KDM3A: variants seen among roughly 807,000 people sequenced by gnomAD.
The protein encoded by KDM3A is lysine demethylase 3A.
KDM3A carries 60 observed loss-of-function variants against 158.0 expected under a neutral mutation model. The ratio of observed to expected loss-of-function variants is 0.38; its 90% CI spans 0.31 to 0.47. The LOEUF (loss-of-function observed/expected upper bound fraction) is 0.47, where lower values mean the gene tolerates loss of function less well. Among genes scored for constraint, KDM3A ranks in the 20% least tolerant of loss-of-function variants. The pLI is 0.99. For missense variants in KDM3A, 1,319 were observed against 1,574.3 expected (o/e 0.84, Z 2.74); for synonymous variants, 608 against 549.3 (o/e 1.11, Z -1.49).
At chr2:86,491,104 T>A in intron 24 of KDM3A, 37 bp from the exon 25 acceptor site, 1 of 1,613,236 alleles carries the variant, frequency 6.2e-7, no homozygotes, top group Non-Finnish European at 8.5e-7. Flanking sequence ...CATGAACTTT[T>A]GGGTTTGTTA....
intron 1 of KDM3A, among the ~76,000 whole-genome samples, chr2:86,441,694 C>T (rs1483677897): frequency 1.3e-5 from 2 of 151,004 alleles, no homozygotes; most frequent in Non-Finnish European, 1.5e-5. Flanking sequence ...CACCAGGGGC[C>T]TTTTCTTTTC....
intron 14 of KDM3A, 144 bp from the exon 15 acceptor site, chr2:86,478,464 T>C: frequency 1.0e-6 from 1 of 988,330 alleles, no homozygotes; most frequent in East Asian, 2.5e-5. Context: ...AGAAAATGCA[T>C]TTTGGGGAAG....
At chr2:86,476,692 C>G (rs1229265119) in intron 12 of KDM3A, among the ~76,000 whole-genome samples, 2 of 152,178 alleles carry the variant, frequency 1.3e-5, no homozygotes, top group African/African-American at 4.8e-5. Context: ...ATCCAGGTGT[C>G]CAAGATGAAG....
rs1049775241 is a variant in KDM3A, at chr2:86,442,983, C to T, written c.186+750C>T. 3.3e-5 allele frequency among the ~76,000 whole-genome samples: 5 copies of T among 152,090 alleles called. No homozygotes were observed. In the East Asian group the frequency reaches 7.7e-4, roughly 23 times the overall value. ...TCATTATGACACTCAGAACCTTTTT[C>T]TGTTAGATCTTTTCAAAGACAGATG... On this transcript the variant is annotated intron_variant, in intron 2 of 25. Coordinates refer to ENST00000312912, the MANE Select transcript of KDM3A (RefSeq NM_018433.6).
chr2:86,484,383 A>T (rs1204002468), intron 19 of KDM3A, among the ~76,000 whole-genome samples: 2 of 152,236 alleles, frequency 1.3e-5, no homozygotes, highest in Non-Finnish European at 2.9e-5. Flanking sequence ...AGAACATCAG[A>T]TAGGGTCAGT....
chr2:86,453,379 A>G (rs1327638780), intron 4 of KDM3A, among the ~76,000 whole-genome samples: 1 of 152,168 alleles, frequency 6.6e-6, no homozygotes, highest in African/African-American at 2.4e-5. Context: ...CCCCAGTAGG[A>G]TACTTGCTCT....
Position 86,484,927 on chromosome 2 carries a change from C to T in KDM3A, c.3095-15C>T, listed in dbSNP as rs201254576. The T allele has an allele frequency of 1.4e-4, 219 of 1,517,410 alleles. No homozygotes were observed. Among genetic ancestry groups the T allele is most frequent in the Non-Finnish European group, 1.9e-4 (205 of 1,093,422 alleles). 94.0% of individuals were successfully genotyped at this position (1,517,410 alleles called of 1,614,324 possible). The stretch of plus-strand genomic sequence containing the variant: ...GAATTATAAATAGTAATAGTTCATT[C>T]TGTTTACCTTTCAGATCGTTTGAAA... On this transcript the variant is annotated splice_polypyrimidine_tract_variant and intron_variant, in intron 19 of 25. Transcript: ENST00000312912.
rs760450330 is a variant in KDM3A, at chr2:86,484,153, T to C, written c.3089T>C (p.Val1030Ala). The C allele has an allele frequency of 6.2e-7, 1 of 1,611,688 alleles. No individual in the cohort carries two copies. The highest frequency in any genetic ancestry group is 8.5e-7 in the Non-Finnish European group (1 of 1,178,922). Residue 1030 changes from valine (V) to alanine (A), a missense_variant, in exon 19 of 26, where the codon GTT (valine) becomes GCT (alanine). Around this residue, in one of 4 missense-constraint regions of KDM3A, gnomAD observed 368 missense variants for 415.8 expected, o/e 0.89. Coordinates refer to ENST00000312912, the MANE Select transcript of KDM3A (RefSeq NM_018433.6). ...GACTTCTGGGATGGATTTGAAGATG[T>C]TCCAAGTATGTATGAAAGATCTTTT... The part of the protein sequence containing the change: ...VGDFWDGFED[V>A]PNRLKNEKEP...
intron 16 of KDM3A, among the ~76,000 whole-genome samples, chr2:86,481,649 C>T (rs917506786): frequency 2.6e-5 from 4 of 152,126 alleles, no homozygotes; most frequent in African/African-American, 9.7e-5. Flanking sequence ...GTAGACAGTA[C>T]ATGCAAAAAA....
chr2:86,458,146 C>G (rs1260970617), intron 8 of KDM3A, among the ~76,000 whole-genome samples: 1 of 152,124 alleles, frequency 6.6e-6, no homozygotes, highest in Non-Finnish European at 1.5e-5. Context: ...ATGAATAAAT[C>G]TGGGTTTCTT....
Position 86,464,073 on chromosome 2 carries a change from T to C in KDM3A, c.864T>C (p.Pro288=). The C allele has an allele frequency of 6.2e-7, 1 of 1,604,356 alleles. No individual in the cohort carries two copies. Among genetic ancestry groups the C allele is most frequent in the Non-Finnish European group, 8.5e-7 (1 of 1,174,114 alleles). ...TCTAGGCCTCTCCCAGTATGTGTCC[T>C]GTGCAGTCTGTACCTACAACAGTTT... ...SCSEASPSMC[P]VQSVPTTVFK... The change falls in exon 9 of 26, where the codon CCT becomes CCC. Residue 288 remains proline, a synonymous_variant. Coordinates refer to ENST00000312912, the MANE Select transcript of KDM3A (RefSeq NM_018433.6).
In KDM3A at chr2:86,470,377, C is replaced by G; in HGVS notation, c.1693C>G (p.Pro565Ala). ...RKDKEQQKDS[P>A]VFCRFFHFRR... ...GGATAAGGAGCAACAGAAGGACTCA[C>G]CTGTGTTTTGCCGCTTCTTTCACTT... Residue 565 changes from proline (P) to alanine (A), a missense_variant, in exon 11 of 26, where the codon CCT becomes GCT. By Grantham distance (27) the Pro-to-Ala change is conservative (BLOSUM62 -1). This residue lies in a region of KDM3A where 113 missense variants were observed against 190.5 expected (regional missense o/e 0.59). Coordinates refer to ENST00000312912, the MANE Select transcript of KDM3A (RefSeq NM_018433.6). 1 of 1,613,990 alleles carries G rather than the reference C, an allele frequency of 6.2e-7. No homozygotes were observed. Among genetic ancestry groups the G allele is most frequent in the Non-Finnish European group, 8.5e-7 (1 of 1,179,936 alleles).
chr2:86,466,231 A>G (rs1673140096), intron 9 of KDM3A, 141 bp from the exon 10 acceptor site: 2 of 842,566 alleles, frequency 2.4e-6, no homozygotes, highest in East Asian at 2.5e-5. Flanking sequence ...ACAGAAATCT[A>G]TCCTAAATTC....
intron 21 of KDM3A, among the ~76,000 whole-genome samples, chr2:86,486,672 C>G (rs1674191923): frequency 6.6e-6 from 1 of 152,082 alleles, no homozygotes; most frequent in Non-Finnish European, 1.5e-5. Context: ...CTGTGGGTGT[C>G]TTTCTCAAAA....
chr2:86,480,094 TAGG>T (rs1255577841), intron 15 of KDM3A, 70 bp from the exon 16 acceptor site: 3 of 1,183,076 alleles, frequency 2.5e-6, no homozygotes, highest in African/African-American at 3.1e-5. Context: ...GGTCGGCTAT[TAGG>T]AGAGAAGAAA....
At chr2:86,440,022 CTGA>C (rs1478774460), upstream of KDM3A, among the ~76,000 whole-genome samples, 4 of 152,132 alleles carry the variant, frequency 2.6e-5, no homozygotes, top group Non-Finnish European at 5.9e-5. Context: ...ATTGTAAATA[CTGA>C]TGTTTGGACT....
chr2:86,466,592 T>C lies in KDM3A; in HGVS notation c.1228T>C (p.Leu410=), dbSNP rs767650680. The C allele has an allele frequency of 1.9e-6, 3 of 1,613,958 alleles. No individual in the cohort carries two copies. The highest frequency in any genetic ancestry group is 2.2e-5 in the South Asian group (2 of 91,076). ...CAGATTGGAGTCTGTTCCACAAGCA[T>C]TGACTGGCCTTCCTAAGGAGTGCTT... ...ENRLESVPQA[L]TGLPKECLPT... Residue 410 remains leucine (L), a synonymous_variant, in exon 10 of 26, where the codon TTG becomes CTG. Coordinates refer to ENST00000312912, the MANE Select transcript of KDM3A (RefSeq NM_018433.6).
At chr2:86,469,003 G>A (rs1673280468) in intron 10 of KDM3A, among the ~76,000 whole-genome samples, 1 of 152,190 alleles carries the variant, frequency 6.6e-6, no homozygotes, top group African/African-American at 2.4e-5. Flanking sequence ...CTCAAAGGAT[G>A]TCTTTCAATA....
chr2:86,474,617 T>C (rs1673567929), intron 11 of KDM3A, among the ~76,000 whole-genome samples, 159 bp from the exon 12 acceptor site: 1 of 147,174 alleles, frequency 6.8e-6, no homozygotes, highest in Non-Finnish European at 1.5e-5. Flanking sequence ...TGAGCCGAGA[T>C]GGCACCACTG....
Sources: gnomAD v4.1 joint callset for allele counts (sites outside exome capture counted in the v4.1 genomes callset) on GRCh38, gnomAD v4.1.1 for gene constraint, gnomAD v4.1.1 regional missense constraint, MANE v1.5 for transcripts, NCBI Gene and HGNC (gene_info 2026-07-23, HGNC 2026-07-21) for gene names.